The following NOL4 variants were observed in gnomAD, a reference collection of about 807,000 sequenced individuals.
The protein encoded by NOL4 is cancer/testis antigen 125.
Under a neutral mutation model 75.9 loss-of-function variants are expected in NOL4, and 17 were observed. The observed-to-expected ratio is 0.22, with a 90% CI of 0.15 to 0.34. The LOEUF is 0.34. Ranked by LOEUF, NOL4 falls within the 10% of genes least tolerant of loss-of-function variation. The pLI is 1.00. For synonymous variants in NOL4, 292 were observed against 289.9 expected (o/e 1.01, Z -0.07); for missense variants, 614 against 793.5 (o/e 0.77, Z 2.72).
chr18:34,108,017 T>C (rs985963095), intron 2 of NOL4, among the ~76,000 whole-genome samples: 1 of 152,106 alleles, frequency 6.6e-6, no homozygotes, highest in African/African-American at 2.4e-5. Context: ...CTCCACATGG[T>C]TGAAGGAGAG....
intron 1 of NOL4, among the ~76,000 whole-genome samples, chr18:34,159,590 G>A (rs984405009): frequency 6.2e-4 from 95 of 152,158 alleles, no homozygotes; most frequent in African/African-American, 2.3e-3. Context: ...GTCCCCTAGA[G>A]AGCAGGCCCC....
At chr18:33,945,005 A>T (rs1470828) in intron 8 of NOL4, among the ~76,000 whole-genome samples, 11 of 151,796 alleles carry the variant, frequency 7.2e-5, no homozygotes, top group African/African-American at 2.7e-4. Context: ...TGAGGCAAAG[A>T]TGTTATAGGA....
chr18:34,144,215 C>A (rs1055501678), intron 1 of NOL4, among the ~76,000 whole-genome samples: 5 of 152,234 alleles, frequency 3.3e-5, no homozygotes, highest in South Asian at 2.1e-4. Flanking sequence ...TATCATTCAA[C>A]CTTTGGTAAT....
intron 4 of NOL4, among the ~76,000 whole-genome samples, chr18:34,102,997 A>T (rs1292049151): frequency 1.3e-5 from 2 of 152,020 alleles, no homozygotes; most frequent in Non-Finnish European, 2.9e-5. Flanking sequence ...TATTGAGATC[A>T]AACAATTTTA....
At chr18:34,206,381 A>T (rs958431421) in intron 1 of NOL4, among the ~76,000 whole-genome samples, 1 of 152,152 alleles carries the variant, frequency 6.6e-6, no homozygotes, top group East Asian at 1.9e-4. Flanking sequence ...AGCTCCAGAT[A>T]TCCTTGTAAT....
chr18:33,912,890 CCTG>C (rs1177771012), intron 9 of NOL4, among the ~76,000 whole-genome samples: 2 of 151,968 alleles, frequency 1.3e-5, no homozygotes, highest in African/African-American at 4.8e-5. Context: ...ACCTGTTTTC[CCTG>C]CTAACATGAA....
At chr18:34,217,491 T>C (rs2036983144) in intron 1 of NOL4, among the ~76,000 whole-genome samples, 1 of 152,028 alleles carries the variant, frequency 6.6e-6, no homozygotes, top group South Asian at 2.1e-4. Context: ...TTCACTGTGT[T>C]GCCCAGGCTG....
chr18:34,222,921 C>T (rs908010316), intron 1 of NOL4, 69 bp downstream of exon 1: 42 of 1,566,732 alleles, frequency 2.7e-5, no homozygotes, highest in Non-Finnish European at 3.3e-5. Flanking sequence ...TCTCTCCCGC[C>T]TCTCTCCTTC....
chr18:33,892,142 G>T lies in NOL4; in HGVS notation c.1543-8718C>A, dbSNP rs35120822. Among the ~76,000 whole-genome samples, 277 of 152,166 alleles carry T rather than the reference G, an allele frequency of 1.8e-3. 3 individuals carry two copies. The highest frequency in any genetic ancestry group is 0.017 in the Admixed American group (260 of 15,260). On this transcript the variant is annotated intron_variant, in intron 9 of 10. Transcript: ENST00000261592. ...TGGAAGCAAATTTTAACAATCATTA[G>T]TTCCAGGGCCAGTTGCAGTCGCTCA...
intron 9 of NOL4, among the ~76,000 whole-genome samples, chr18:33,888,459 T>C (rs2144776402): frequency 6.6e-6 from 1 of 152,316 alleles, no homozygotes; most frequent in South Asian, 2.1e-4. Flanking sequence ...TTTGTTGCCA[T>C]TGCTTTTGGT....
chr18:33,965,707 G>A (rs1232254671), intron 6 of NOL4, among the ~76,000 whole-genome samples: 1 of 152,122 alleles, frequency 6.6e-6, no homozygotes, highest in African/African-American at 2.4e-5. Flanking sequence ...GCCATGTGAA[G>A]AAGGATGTGT....
chr18:33,931,060 A>G (rs1248732799), intron 9 of NOL4, among the ~76,000 whole-genome samples: 6 of 152,160 alleles, frequency 3.9e-5, no homozygotes, highest in Admixed American at 3.9e-4. Context: ...TTAAAAAAAC[A>G]CAGGAAAGGA....
At chr18:33,933,790 G>C (rs757470115) in intron 9 of NOL4, among the ~76,000 whole-genome samples, 11 of 152,040 alleles carry the variant, frequency 7.2e-5, no homozygotes, top group Non-Finnish European at 1.6e-4. Flanking sequence ...ACCCCTCAAA[G>C]TCACCCACGA....
At chr18:33,875,147 A>G (rs1053814843) in intron 10 of NOL4, among the ~76,000 whole-genome samples, 4 of 152,064 alleles carry the variant, frequency 2.6e-5, no homozygotes, top group Non-Finnish European at 5.9e-5. Flanking sequence ...CATTATGCAT[A>G]TAATTTAGAC....
intron 1 of NOL4, among the ~76,000 whole-genome samples, chr18:34,183,169 G>T (rs968456712): frequency 1.3e-5 from 2 of 151,790 alleles, no homozygotes; most frequent in African/African-American, 4.8e-5. Context: ...CAAAGGATTT[G>T]TATTTAGAAC....
intron 9 of NOL4, among the ~76,000 whole-genome samples, chr18:33,915,958 G>C (rs568992378): frequency 6.6e-6 from 1 of 152,122 alleles, no homozygotes; most frequent in Admixed American, 6.6e-5. Flanking sequence ...AATTGCAAAG[G>C]AGGAATCAAA....
intron 4 of NOL4, among the ~76,000 whole-genome samples, chr18:34,099,836 T>G (rs1184357859): frequency 6.6e-6 from 1 of 152,122 alleles, no homozygotes; most frequent in Non-Finnish European, 1.5e-5. Context: ...AAAATGTGAG[T>G]AATTCTCTTT....
chr18:33,872,849 A>T (rs1288091397), intron 10 of NOL4, among the ~76,000 whole-genome samples: 1 of 152,046 alleles, frequency 6.6e-6, no homozygotes, highest in Non-Finnish European at 1.5e-5. Context: ...TATGGATACA[A>T]ATTAGTATTT....
chr18:34,129,348 T>C (rs984138801), intron 2 of NOL4, among the ~76,000 whole-genome samples: 1 of 151,748 alleles, frequency 6.6e-6, no homozygotes, highest in Non-Finnish European at 1.5e-5. Flanking sequence ...TATTCTATCC[T>C]GGAAAATTAA....
Sources: gnomAD v4.1 joint callset for allele counts (sites outside exome capture counted in the v4.1 genomes callset) on GRCh38, gnomAD v4.1.1 for gene constraint, MANE v1.5 for transcripts, NCBI Gene and HGNC (gene_info 2026-07-23, HGNC 2026-07-21) for gene names.